TTC21A: variants seen among roughly 807,000 people sequenced by gnomAD.
TTC21A encodes the protein tetratricopeptide repeat protein 21A.
A neutral mutation model predicts 156.4 loss-of-function variants in TTC21A; 128 were observed. That is an observed-to-expected ratio of 0.82 (90% CI 0.71 to 0.95). The LOEUF (loss-of-function observed/expected upper bound fraction) is 0.95, where lower values mean the gene tolerates loss of function less well. TTC21A is among the 40% of genes least tolerant of loss of function. The pLI, the probability that TTC21A is intolerant of heterozygous loss-of-function variation, is 0.00. For missense variants in TTC21A, 1,435 were observed against 1,602.3 expected (o/e 0.90, Z 1.78); for synonymous variants, 587 against 617.1 (o/e 0.95, Z 0.72).
intron 1 of TTC21A, chr3:39,108,422 A>AC (rs28362639): frequency 0.034 from 5,332 of 154,806 alleles, 185 homozygotes; most frequent in East Asian, 0.16. Flanking sequence ...CACGGCACAC[A>AC]CCCCCCACAT....
chr3:39,137,526 A>C lies in TTC21A; in HGVS notation c.3491A>C (p.Tyr1164Ser). Residue 1164 changes from tyrosine to serine, a missense_variant, in exon 26 of 29, where the codon TAC becomes TCC. By Grantham distance (144) the Tyr-to-Ser change is moderately radical (BLOSUM62 -2). Transcript: ENST00000683103. ...GCCCTGCTGGCCTTGGCACAAGCCT[A>C]CGTGTTCCTGAAGCAGATCCCCAAG... ...VPALLALAQA[Y>S]VFLKQIPKAR... is the part of the protein sequence containing the mutation. 6.2e-7 allele frequency: 1 copy of C among 1,614,208 alleles called. No individual in the cohort carries two copies. The highest frequency in any genetic ancestry group is 2.2e-5 in the East Asian group (1 of 44,882).
chr3:39,129,643 C>T (rs1038687633), intron 15 of TTC21A, among the ~76,000 whole-genome samples: 11 of 152,208 alleles, frequency 7.2e-5, no homozygotes, highest in African/African-American at 2.4e-4. Flanking sequence ...GCATTGGGAC[C>T]TCCAAGGTGC....
chr3:39,124,096 A>G (rs888313263), intron 9 of TTC21A, among the ~76,000 whole-genome samples: 1 of 152,240 alleles, frequency 6.6e-6, no homozygotes, highest in Non-Finnish European at 1.5e-5. Flanking sequence ...GACCTTATCT[A>G]TCAGTATTTT....
intron 9 of TTC21A, among the ~76,000 whole-genome samples, chr3:39,124,520 C>T (rs1276811671): frequency 2.6e-5 from 4 of 151,636 alleles, no homozygotes; most frequent in Admixed American, 6.6e-5. Flanking sequence ...ATTAGCCGGG[C>T]GTGGTGGCCA....
In TTC21A at chr3:39,110,133, A is replaced by G. The variant is rs1272257790; in HGVS notation, c.262A>G (p.Ile88Val). Residue 88 changes from isoleucine to valine, a missense_variant, in exon 3 of 29, where the codon ATC becomes GTC. Transcript: ENST00000683103. ...CATTTATGCTCACAAAAGATGTGAAATCATTGGTGAGTGCCACCATGCTCA... is the reference window on the plus strand; with the variant it reads ...CATTTATGCTCACAAAAGATGTGAAGTCATTGGTGAGTGCCACCATGCTCA... ...ALIYAHKRCE[I>V]IDREAIQELE... 1 of 1,612,940 alleles carries G rather than the reference A, an allele frequency of 6.2e-7. No individual in the cohort carries two copies. The highest frequency in any genetic ancestry group is 1.3e-5 in the African/African-American group (1 of 74,910).
chr3:39,107,755 A>G lies in TTC21A; in HGVS notation c.-83A>G. 1.9e-6 allele frequency: 3 copies of G among 1,590,632 alleles called. No individual in the cohort carries two copies. The highest frequency in any genetic ancestry group is 1.7e-6 in the Non-Finnish European group (2 of 1,164,060). On this transcript the variant is annotated 5_prime_UTR_variant, in exon 1 of 29. Coordinates refer to ENST00000683103, the MANE Select transcript of TTC21A (RefSeq NM_001366900.1). ...GTAACGCCTTCAACCGCCCGCCGCG[A>G]TAGAGTGCCCACGACCCTGCCTCGG...
Position 39,128,826 on chromosome 3 carries a change from TGAA to T in TTC21A, c.1795_1797del (p.Lys599del), listed in dbSNP as rs1277411578. 2.5e-6 allele frequency: 4 copies of T among 1,614,062 alleles called. No homozygotes were observed. In the South Asian group the frequency reaches 3.3e-5, roughly 13 times the overall value. ...AAAATGGTCATCAAATTGCCAGCTC[TGAA>T]GAAGGAAGAAGGCAGAAAGTTCCTC... On this transcript the variant is annotated inframe_deletion, in exon 14 of 29. Transcript: ENST00000683103.
At chr3:39,137,958 A>G (rs1299276533) in intron 26 of TTC21A, among the ~76,000 whole-genome samples, 1 of 152,148 alleles carries the variant, frequency 6.6e-6, no homozygotes, top group East Asian at 1.9e-4. Flanking sequence ...GGACAGAAAG[A>G]GATGGGAAAG....
chr3:39,131,168 G>A, intron 19 of TTC21A, 73 bp downstream of exon 19: 2 of 1,313,584 alleles, frequency 1.5e-6, no homozygotes, highest in Non-Finnish European at 2.1e-6. Flanking sequence ...GAAGGAGAGA[G>A]CTCCAGGTCT....
Position 39,136,686 on chromosome 3 carries a change from A to T in TTC21A, c.3095+179A>T, listed in dbSNP as rs574768583. The T allele has an allele frequency of 4.8e-4, 483 of 1,005,246 alleles. 4 individuals are homozygous for T. The South Asian group carries it at 7.5e-3, about 16-fold the overall frequency. The allele number at this position is 1,005,246 out of a possible 1,614,324, so 62.3% of individuals were successfully genotyped here. On this transcript the variant is annotated intron_variant, in intron 23 of 28. Transcript: ENST00000683103. ...CCTGTGGAAGTCAGGGAGAGCCTGC[A>T]GCCTCTGGATGGAGGCCAGGTGAGG...
intron 7 of TTC21A, 193 bp downstream of exon 7, chr3:39,118,346 G>C: frequency 1.6e-6 from 1 of 614,020 alleles, no homozygotes; most frequent in South Asian, 1.9e-5. Context: ...TAGCTTGGGA[G>C]TCAGGCAGCA....
rs760330430 is a variant in TTC21A at position 39,114,607 on chromosome 3, A to G, written c.581A>G (p.Gln194Arg). The change falls in exon 6 of 29, where the codon CAG (glutamine) becomes CGG (arginine). Residue 194 changes from glutamine to arginine, a missense_variant. Gln to Arg is a conservative substitution (Grantham distance 43, BLOSUM62 1). Transcript: ENST00000683103. ...CAGGCAATGTACTTCATGATGCAGC[A>G]GAACTACTCAGAGGCCCTGGAGGTG... ...MGKAMYFMMQ[Q>R]NYSEALEVVN... 6.8e-6 allele frequency: 11 copies of G among 1,614,074 alleles called. No homozygotes were observed. Among genetic ancestry groups the G allele is most frequent in the African/African-American group, 1.3e-5 (1 of 74,942 alleles).
At chr3:39,122,280 CA>C in intron 9 of TTC21A, among the ~76,000 whole-genome samples, 1 of 151,126 alleles carries the variant, frequency 6.6e-6, no homozygotes, top group East Asian at 1.9e-4. Flanking sequence ...CACTGCACTG[CA>C]GCCTGGGCCA....
Position 39,114,814 on chromosome 3 carries a change from G to A in TTC21A, c.716+72G>A, listed in dbSNP as rs916138028. ...ACCATCTTATAAGCTGGGGAGGCAG[G>A]AGAACAAGACAGAAAGGTAAATATC... On this transcript the variant is annotated intron_variant, in intron 6 of 28. Coordinates refer to ENST00000683103, the MANE Select transcript of TTC21A (RefSeq NM_001366900.1). The A allele has an allele frequency of 4.3e-5, 67 of 1,569,324 alleles. No homozygotes were observed. In the African/African-American group the frequency reaches 8.4e-4, roughly 20 times the overall value.
chr3:39,117,218 T>C (rs2037368847), intron 6 of TTC21A, among the ~76,000 whole-genome samples: 1 of 152,240 alleles, frequency 6.6e-6, no homozygotes, highest in Non-Finnish European at 1.5e-5. Context: ...TCAAAGTATG[T>C]TGCAGTTTTT....
In TTC21A at chr3:39,114,569, G is replaced by A. The variant is rs373334056; in HGVS notation, c.559-16G>A. The A allele has an allele frequency of 1.2e-6, 2 of 1,613,830 alleles. No individual in the cohort carries two copies. The highest frequency in any genetic ancestry group is 2.2e-5 in the East Asian group (1 of 44,880). ...GCACTCCCTTCACGGAGGCTCTTCT[G>A]TCTGGCTCCCAACAGGCAATGTACT... On this transcript the variant is annotated splice_polypyrimidine_tract_variant and intron_variant, in intron 5 of 28. Transcript: ENST00000683103.
chr3:39,110,176 A>G, intron 3 of TTC21A, 37 bp downstream of exon 3: 12 of 1,518,380 alleles, frequency 7.9e-6, no homozygotes, highest in South Asian at 1.1e-5. Context: ...CTGACCCACC[A>G]GGGGAAGGAA....
rs747100510 is a variant in TTC21A, at chr3:39,137,651, C to G, written c.3616C>G (p.Gln1206Glu). 1.9e-6 allele frequency: 3 copies of G among 1,614,142 alleles called. No homozygotes were observed. Among genetic ancestry groups the G allele is most frequent in the Non-Finnish European group, 2.5e-6 (3 of 1,180,024 alleles). The change falls in exon 26 of 29, where the codon CAG becomes GAG. Residue 1206 changes from glutamine to glutamate, a missense_variant. Gln to Glu is a conservative substitution (Grantham distance 29, BLOSUM62 2). Transcript: ENST00000683103. ...GCTCCTGCTGGCTGACATTTACTGC[C>G]AGGGCAGCAAGTTCGACCTCGCCTT... ...SWLLLADIYC[Q>E]GSKFDLALEL... is the part of the protein sequence containing the mutation.
intron 26 of TTC21A, 158 bp from the exon 27 acceptor site, chr3:39,138,109 C>A: frequency 9.4e-7 from 1 of 1,065,230 alleles, no homozygotes; most frequent in Non-Finnish European, 1.3e-6. Context: ...TGGCTTCTTG[C>A]AAAGGTTGGG....
Sources: gnomAD v4.1 joint callset for allele counts (sites outside exome capture counted in the v4.1 genomes callset) on GRCh38, gnomAD v4.1.1 for gene constraint, MANE v1.5 for transcripts, NCBI Gene and HGNC (gene_info 2026-07-23, HGNC 2026-07-21) for gene names.